The following WWOX variants were observed in gnomAD, a reference collection of about 807,000 sequenced individuals.
WWOX encodes WW domain containing oxidoreductase, also known as WW domain-containing oxidoreductase.
In WWOX, 69 loss-of-function variants were observed where a neutral mutation model predicts 46.2. The observed-to-expected ratio is 1.49, with a 90% CI of 1.23 to 1.82. The LOEUF (loss-of-function observed/expected upper bound fraction) is 1.82, where lower values mean the gene tolerates loss of function less well. WWOX is among the 40% of genes most tolerant of loss of function. WWOX has a pLI of 0.00. For synonymous variants in WWOX, 359 were observed against 202.6 expected, an observed-to-expected ratio of 1.77 and a Z score of -6.56; for missense variants, 919 against 542.6, an observed-to-expected ratio of 1.69 and a Z score of -6.89.
chr16:79,129,386 A>G (rs1243810487), intron 8 of WWOX, among the ~76,000 whole-genome samples: 1 of 148,094 alleles, frequency 6.8e-6, no homozygotes, highest in African/African-American at 2.5e-5. Context: ...GATGCAGTCT[A>G]TCTCGTATGG....
intron 8 of WWOX, among the ~76,000 whole-genome samples, chr16:78,841,477 A>G (rs913209608): frequency 5.9e-5 from 9 of 152,228 alleles, no homozygotes; most frequent in African/African-American, 1.7e-4. Flanking sequence ...TATTTACACC[A>G]TGGAAAGTGG....
chr16:78,415,372 G>A (rs975919005), intron 6 of WWOX, among the ~76,000 whole-genome samples: 1 of 151,942 alleles, frequency 6.6e-6, no homozygotes, highest in Non-Finnish European at 1.5e-5. Flanking sequence ...GGTTTTGGCC[G>A]GCTTCTTTAC....
At chr16:78,671,142 G>A (rs919449034) in intron 8 of WWOX, among the ~76,000 whole-genome samples, 4 of 152,198 alleles carry the variant, frequency 2.6e-5, no homozygotes, top group Admixed American at 6.5e-5. Context: ...TTGCTGTTGG[G>A]CCAGGTACAG....
At chr16:78,144,067 T>C (rs1296953650) in intron 4 of WWOX, among the ~76,000 whole-genome samples, 1 of 152,160 alleles carries the variant, frequency 6.6e-6, no homozygotes, top group African/African-American at 2.4e-5. Flanking sequence ...GATAATAGAA[T>C]ATTCACATCT....
chr16:78,861,739 T>G (rs1434550448), intron 8 of WWOX, among the ~76,000 whole-genome samples: 4 of 152,234 alleles, frequency 2.6e-5, no homozygotes, highest in Admixed American at 1.3e-4. Flanking sequence ...AACCTTTAAC[T>G]CATTTCCTTC....
At position 78,934,094 on chromosome 16, in the gene WWOX, C is replaced by T. The variant is rs529838390; in HGVS notation, c.1057-277514C>T. On this transcript the variant is annotated intron_variant, in intron 8 of 8. Coordinates refer to ENST00000566780, the MANE Select transcript of WWOX (RefSeq NM_016373.4). Reference sequence around the variant, plus strand: ...CTCATGCTGGTAATCCCAGCACTTTCGGAGGCCTAGGTGGGCAGATCACAA... The same window carrying T: ...CTCATGCTGGTAATCCCAGCACTTTTGGAGGCCTAGGTGGGCAGATCACAA... Among the ~76,000 whole-genome samples the T allele has an allele frequency of 1.9e-4, 29 of 151,828 alleles. 1 individual carries two copies. Among genetic ancestry groups the T allele is most frequent in the South Asian group, 6.3e-4 (3 of 4,792 alleles).
intron 8 of WWOX, among the ~76,000 whole-genome samples, chr16:78,744,212 GTT>G (rs1417131228): frequency 2.0e-5 from 3 of 152,120 alleles, no homozygotes; most frequent in East Asian, 3.9e-4. Context: ...CTGGGTAAGA[GTT>G]TGTGAAAAGA....
At chr16:78,377,618 C>G (rs1205883950) in intron 5 of WWOX, among the ~76,000 whole-genome samples, 3 of 152,168 alleles carry the variant, frequency 2.0e-5, no homozygotes, top group African/African-American at 7.2e-5. Context: ...ATTCACTGTC[C>G]TTCCTTAAAC....
chr16:79,118,862 C>G (rs1379795672), intron 8 of WWOX, among the ~76,000 whole-genome samples: 1 of 152,160 alleles, frequency 6.6e-6, no homozygotes, highest in East Asian at 1.9e-4. Context: ...AACTGCAATT[C>G]TTAGTGGTTG....
At chr16:78,335,738 G>C (rs1378047728) in intron 5 of WWOX, among the ~76,000 whole-genome samples, 2 of 152,182 alleles carry the variant, frequency 1.3e-5, no homozygotes, top group African/African-American at 2.4e-5. Flanking sequence ...TTCTGAGACA[G>C]ACTCATGTTC....
At chr16:78,866,192 C>G (rs1023713082) in intron 8 of WWOX, among the ~76,000 whole-genome samples, 2 of 152,134 alleles carry the variant, frequency 1.3e-5, no homozygotes, top group African/African-American at 4.8e-5. Flanking sequence ...TATGAAAACA[C>G]CGAAGAATCC....
intron 8 of WWOX, among the ~76,000 whole-genome samples, chr16:78,934,027 C>CA (rs1162615058): frequency 6.6e-6 from 1 of 151,816 alleles, no homozygotes; most frequent in Non-Finnish European, 1.5e-5. Flanking sequence ...CACCGTCTCT[C>CA]AAAAAAATTT....
chr16:79,140,276 T>C (rs936718637), intron 8 of WWOX, among the ~76,000 whole-genome samples: 1 of 152,222 alleles, frequency 6.6e-6, no homozygotes, highest in Non-Finnish European at 1.5e-5. Context: ...GTCTATTGGA[T>C]GCGGTGGTGT....
chr16:78,681,180 C>T (rs140502110), intron 8 of WWOX, among the ~76,000 whole-genome samples: 59 of 152,096 alleles, frequency 3.9e-4, no homozygotes, highest in East Asian at 2.7e-3. Context: ...ACCCGAGAGG[C>T]GGAGATTGCA....
intron 8 of WWOX, among the ~76,000 whole-genome samples, chr16:78,644,686 C>T (rs1277370338): frequency 6.6e-6 from 1 of 152,206 alleles, no homozygotes; most frequent in Non-Finnish European, 1.5e-5. Context: ...TGGTCTGGAA[C>T]TCCTGAACTC....
chr16:78,415,095 A>C (rs2082768519), intron 6 of WWOX, among the ~76,000 whole-genome samples: 3 of 148,408 alleles, frequency 2.0e-5, no homozygotes, highest in Non-Finnish European at 3.0e-5. Context: ...TATAATTATA[A>C]TACAATATTA....
At chr16:78,158,890 G>T (rs1464167288) in intron 4 of WWOX, among the ~76,000 whole-genome samples, 5 of 151,456 alleles carry the variant, frequency 3.3e-5, no homozygotes, top group Admixed American at 1.3e-4. Context: ...TTTCCATCTG[G>T]CGTACCTGAA....
At chr16:78,773,896 G>C (rs1260512558) in intron 8 of WWOX, among the ~76,000 whole-genome samples, 2 of 152,178 alleles carry the variant, frequency 1.3e-5, no homozygotes, top group Non-Finnish European at 1.5e-5. Context: ...TTGTATGGGA[G>C]ATCCAGAATT....
At chr16:78,294,273 C>CCTG (rs1433413040) in intron 5 of WWOX, among the ~76,000 whole-genome samples, 1 of 152,132 alleles carries the variant, frequency 6.6e-6, no homozygotes, top group Non-Finnish European at 1.5e-5. Flanking sequence ...CATCTCTGTG[C>CCTG]CAAGCCCAGT....
Sources: gnomAD v4.1 joint callset for allele counts (sites outside exome capture counted in the v4.1 genomes callset) on GRCh38, gnomAD v4.1.1 for gene constraint, MANE v1.5 for transcripts, NCBI Gene and HGNC (gene_info 2026-07-23, HGNC 2026-07-21) for gene names.